ERI1: variants seen among roughly 807,000 people sequenced by gnomAD.
ERI1 encodes the protein 3'-5' exoribonuclease 1.
Under a neutral mutation model 39.7 loss-of-function variants are expected in ERI1, and 39 were observed. The ratio of observed to expected loss-of-function variants is 0.98; its 90% confidence interval spans 0.76 to 1.28. The LOEUF is 1.28. Ranked by LOEUF, ERI1 falls within the 50% of genes most tolerant of loss-of-function variation. ERI1 has a pLI of 0.00. For synonymous variants in ERI1, 204 were observed against 149.6 expected, an observed-to-expected ratio of 1.36 and a Z score of -2.65; for missense variants, 581 against 416.9, an observed-to-expected ratio of 1.39 and a Z score of -3.43.
At chr8:9,074,559 A>T (rs1258887847) in intron 3 of ERI1, among the ~76,000 whole-genome samples, 2 of 152,156 alleles carry the variant, frequency 1.3e-5, no homozygotes, top group Non-Finnish European at 2.9e-5. Flanking sequence ...CTCTGGCCTC[A>T]GTCTCCTGAG....
At chr8:9,081,585 C>T (rs752469174) in intron 3 of ERI1, among the ~76,000 whole-genome samples, 1 of 152,192 alleles carries the variant, frequency 6.6e-6, no homozygotes, top group African/African-American at 2.4e-5. Context: ...CATTTCTTCA[C>T]TCTCTTTCTT....
chr8:9,020,031 A>G (rs1307055564), intron 5 of ERI1, among the ~76,000 whole-genome samples: 1 of 152,152 alleles, frequency 6.6e-6, no homozygotes, highest in Non-Finnish European at 1.5e-5. Flanking sequence ...TCAACTTACC[A>G]TGCTAAGTCT....
chr8:9,004,580 A>C (rs1336841603), intron 1 of ERI1, among the ~76,000 whole-genome samples: 1 of 143,116 alleles, frequency 7.0e-6, no homozygotes, highest in Non-Finnish European at 1.5e-5. Context: ...GGGGAGGATC[A>C]CCTGAGCCCA....
downstream of ERI1, among the ~76,000 whole-genome samples, chr8:9,035,842 G>A (rs903080619): frequency 6.6e-6 from 1 of 152,198 alleles, no homozygotes; most frequent in Non-Finnish European, 1.5e-5. Flanking sequence ...ATTCTATTCT[G>A]AATGCCATTA....
At chr8:9,034,417 T>G (rs1797775114), downstream of ERI1, among the ~76,000 whole-genome samples, 1 of 152,246 alleles carries the variant, frequency 6.6e-6, no homozygotes, top group African/African-American at 2.4e-5. Context: ...AGTCTATTTA[T>G]GTCATTTTCC....
intron 3 of ERI1, among the ~76,000 whole-genome samples, chr8:9,062,244 A>G (rs1447119113): frequency 2.6e-5 from 4 of 152,082 alleles, no homozygotes; most frequent in African/African-American, 7.2e-5. Context: ...GTGCATGATC[A>G]GTCGCCAAGG....
At chr8:9,040,731 G>GA (rs1554523421) in intron 3 of ERI1, among the ~76,000 whole-genome samples, 1 of 109,410 alleles carries the variant, frequency 9.1e-6, no homozygotes, top group Admixed American at 8.4e-5. Context: ...TGTGTGTGTG[G>GA]GGGGGGGGTG....
intron 3 of ERI1, among the ~76,000 whole-genome samples, chr8:9,077,498 A>G (rs1315236326): frequency 2.1e-5 from 2 of 95,992 alleles, no homozygotes; most frequent in East Asian, 2.1e-4. Context: ...TGACGCTTTT[A>G]TACCCCACAG....
chr8:9,051,917 T>TA lies in ERI1; in HGVS notation n.299+31454dup, dbSNP rs1246842432. Among the ~76,000 whole-genome samples the TA allele has an allele frequency of 3.3e-5, 5 of 152,186 alleles. 1 individual carries two copies. The highest frequency in any genetic ancestry group is 1.2e-4 in the African/African-American group (5 of 41,442). On this transcript the variant is annotated intron_variant and non_coding_transcript_variant, in intron 3 of 3. Coordinates refer to the ERI1 transcript ENST00000518663. Reference sequence around the variant, plus strand: ...TGCAGAGTCGTTTTGTAGCCATCCTTAGAGAGTGAGTATGGTGTAAGGATT... The same window carrying TA: ...TGCAGAGTCGTTTTGTAGCCATCCTTAAGAGAGTGAGTATGGTGTAAGGATT...
Position 9,043,705 on chromosome 8 carries a change from T to C in ERI1, n.299+23241T>C, listed in dbSNP as rs115004349. Reference sequence around the variant, plus strand: ...ACACTATCCATAATTGTGTTGTTTATTGGAGATATTATTTTTGTTTTATTT... The same window carrying C: ...ACACTATCCATAATTGTGTTGTTTACTGGAGATATTATTTTTGTTTTATTT... On this transcript the variant is annotated intron_variant and non_coding_transcript_variant, in intron 3 of 3. Coordinates refer to the ERI1 transcript ENST00000518663. 6.7e-3 allele frequency among the ~76,000 whole-genome samples: 1,014 copies of C among 152,354 alleles called. 13 individuals carry two copies. Among genetic ancestry groups the C allele is most frequent in the African/African-American group, 0.023 (955 of 41,578 alleles).
At chr8:9,019,567 C>G (rs562364266) in intron 5 of ERI1, among the ~76,000 whole-genome samples, 74 of 152,274 alleles carry the variant, frequency 4.9e-4, no homozygotes, top group African/African-American at 1.7e-3. Flanking sequence ...AAAAACCAAT[C>G]ATTAGAGTCT....
At chr8:9,004,161 C>T in intron 1 of ERI1, 1 of 1,288,998 alleles carries the variant, frequency 7.8e-7, no homozygotes, top group Non-Finnish European at 1.0e-6. Context: ...TGTGCACTTC[C>T]TTTGGATCCT....
Position 9,068,956 on chromosome 8 carries a change from T to C in ERI1, n.300-47392T>C, listed in dbSNP as rs148421344. Reference sequence around the variant, plus strand: ...CTCAGCCCTCCCTAGTAGCTGGGACTACAGGTGTGCACCACCATGCTTGGC... The same window carrying C: ...CTCAGCCCTCCCTAGTAGCTGGGACCACAGGTGTGCACCACCATGCTTGGC... On this transcript the variant is annotated intron_variant and non_coding_transcript_variant, in intron 3 of 3. Coordinates refer to the ERI1 transcript ENST00000518663. Among the ~76,000 whole-genome samples the C allele has an allele frequency of 5.0e-3, 759 of 152,280 alleles. 4 individuals are homozygous for C. Among genetic ancestry groups the C allele is most frequent in the African/African-American group, 0.017 (695 of 41,552 alleles).
At chr8:9,020,156 C>G (rs1259449552) in intron 5 of ERI1, among the ~76,000 whole-genome samples, 194 bp from the exon 6 acceptor site, 1 of 152,080 alleles carries the variant, frequency 6.6e-6, no homozygotes, top group African/African-American at 2.4e-5. Context: ...GTTAATATAT[C>G]CGACTTCTTT....
At position 9,002,989 on chromosome 8, in the gene ERI1, A is replaced by C; in HGVS notation, c.-75A>C. On this transcript the variant is annotated 5_prime_UTR_variant, in exon 1 of 7. Coordinates refer to ENST00000250263, the MANE Select transcript of ERI1 (RefSeq NM_153332.4). Reference sequence around the variant, plus strand: ...GGTAATTTTTCAACGGAGAAAGGCGAGGCTTTCGGGCTCTGCAGAGTGAGA... The same window carrying C: ...GGTAATTTTTCAACGGAGAAAGGCGCGGCTTTCGGGCTCTGCAGAGTGAGA... The C allele has an allele frequency of 9.6e-7, 1 of 1,037,952 alleles. No individual in the cohort carries two copies. Among genetic ancestry groups the C allele is most frequent in the Non-Finnish European group, 1.2e-6 (1 of 803,612 alleles). 64.3% of individuals were successfully genotyped at this position (1,037,952 alleles called of 1,614,324 possible).
chr8:9,007,015 T>C (rs543840542), intron 1 of ERI1, among the ~76,000 whole-genome samples: 1 of 152,314 alleles, frequency 6.6e-6, no homozygotes, highest in East Asian at 1.9e-4. Flanking sequence ...TAGGGATAAT[T>C]AGTACTAAAT....
intron 2 of ERI1, chr8:9,008,898 A>G (rs1816346557): frequency 2.5e-6 from 1 of 397,322 alleles, no homozygotes; most frequent in Non-Finnish European, 5.0e-6. Context: ...AATTCTCTTA[A>G]TAGTAGTATT....
Position 9,011,628 on chromosome 8 carries a change from G to GTAA in ERI1, c.375_376insAAT (p.Ser125_Tyr126insAsn). 1 of 1,613,580 alleles carries GTAA rather than the reference G, an allele frequency of 6.2e-7. No homozygotes were observed. Among genetic ancestry groups the GTAA allele is most frequent in the Non-Finnish European group, 8.5e-7 (1 of 1,179,646 alleles). ...CTGAAAGAGAGCAATTTTGCTGACA[G>GTAA]TTATTATGACTACATTTGTATTATT... On this transcript the variant is annotated inframe_insertion, in exon 3 of 7. Coordinates refer to ENST00000250263, the MANE Select transcript of ERI1 (RefSeq NM_153332.4).
At chr8:9,026,570 C>G (rs1280724054) in intron 6 of ERI1, among the ~76,000 whole-genome samples, 5 of 152,138 alleles carry the variant, frequency 3.3e-5, no homozygotes, top group Admixed American at 6.5e-5. Context: ...TTCTACCTTT[C>G]TGAGGCAGAA....
Sources: gnomAD v4.1 joint callset for allele counts (sites outside exome capture counted in the v4.1 genomes callset) on GRCh38, gnomAD v4.1.1 for gene constraint, MANE v1.5 for transcripts, NCBI Gene and HGNC (gene_info 2026-07-23, HGNC 2026-07-21) for gene names.